The following RBMS3 variants were observed in gnomAD, a reference collection of about 807,000 sequenced individuals.
RBMS3 encodes the protein RNA-binding motif, single-stranded-interacting protein 3.
In RBMS3, 27 loss-of-function variants were observed where a neutral mutation model predicts 66.8. That is an observed-to-expected ratio of 0.40 (90% CI 0.30 to 0.56). The LOEUF (loss-of-function observed/expected upper bound fraction) is 0.56, where lower values mean the gene tolerates loss of function less well. RBMS3 is among the 20% of genes least tolerant of loss of function. The probability of loss-of-function intolerance (pLI) is 0.40; values close to 1 mark genes in which losing one functional copy is unlikely to be tolerated. For missense variants in RBMS3, 513 were observed against 549.5 expected (o/e 0.93, Z 0.66); for synonymous variants, 188 against 183.0 (o/e 1.03, Z -0.22).
intron 2 of RBMS3, among the ~76,000 whole-genome samples, chr3:29,459,735 A>G (rs2042309974): frequency 6.6e-6 from 1 of 152,202 alleles, no homozygotes. Context: ...AAAATGCATG[A>G]TTTCGAACTT....
At chr3:29,631,375 T>C (rs2149176335) in intron 4 of RBMS3, among the ~76,000 whole-genome samples, 1 of 152,012 alleles carries the variant, frequency 6.6e-6, no homozygotes, top group African/African-American at 2.4e-5. Flanking sequence ...GCTTTTCTGT[T>C]ATCTTGAGGG....
At chr3:29,532,181 A>G (rs908003256) in intron 3 of RBMS3, among the ~76,000 whole-genome samples, 1 of 149,998 alleles carries the variant, frequency 6.7e-6, no homozygotes, top group African/African-American at 2.5e-5. Context: ...AAAATTAGAC[A>G]GAAAGATCAT....
At chr3:29,361,479 C>A (rs12631178) in intron 1 of RBMS3, among the ~76,000 whole-genome samples, 33,426 of 152,072 alleles carry the variant, frequency 0.22, 4,619 homozygotes, top group Non-Finnish European at 0.3. Context: ...CTGCCCTTAA[C>A]ATTTTTTCCT....
chr3:29,782,255 G>A (rs1344543476), intron 6 of RBMS3, among the ~76,000 whole-genome samples: 1 of 152,072 alleles, frequency 6.6e-6, no homozygotes, highest in Non-Finnish European at 1.5e-5. Context: ...AAAAACACAA[G>A]CAAGGACCCT....
intron 4 of RBMS3, among the ~76,000 whole-genome samples, chr3:29,686,418 T>C (rs892192844): frequency 6.6e-6 from 1 of 152,200 alleles, no homozygotes; most frequent in Non-Finnish European, 1.5e-5. Flanking sequence ...GCATGGTGGC[T>C]CATGCCTGTA....
intron 3 of RBMS3, among the ~76,000 whole-genome samples, chr3:29,585,099 C>G (rs1395625077): frequency 6.6e-6 from 1 of 152,124 alleles, no homozygotes; most frequent in African/African-American, 2.4e-5. Context: ...CTGAGGTTTT[C>G]TCCCACCACT....
chr3:29,771,157 AC>A, intron 6 of RBMS3, among the ~76,000 whole-genome samples: 1 of 151,632 alleles, frequency 6.6e-6, no homozygotes, highest in Non-Finnish European at 1.5e-5. Flanking sequence ...CTTATTTCTT[AC>A]GTCTTTCAGC....
chr3:29,745,343 G>A (rs1252589448), intron 5 of RBMS3, among the ~76,000 whole-genome samples: 3 of 151,892 alleles, frequency 2.0e-5, no homozygotes, highest in East Asian at 1.9e-4. Context: ...TCTAAAAACC[G>A]AAGTTTATGG....
At chr3:29,924,603 C>CA (rs1240178874) in intron 10 of RBMS3, 1 of 35,360 alleles carries the variant, frequency 2.8e-5, no homozygotes, top group Admixed American at 2.5e-4. Flanking sequence ...TTTGGGAGGC[C>CA]AGGGGGCGGA....
intron 1 of RBMS3, among the ~76,000 whole-genome samples, chr3:29,431,354 G>A (rs1418099423): frequency 2.9e-5 from 4 of 138,470 alleles, no homozygotes; most frequent in Admixed American, 8.0e-5. Context: ...GTACAGTGGC[G>A]CAATCTCGGC....
At chr3:29,688,564 A>ATTTTTTTTTTTTTT (rs55943638) in intron 4 of RBMS3, among the ~76,000 whole-genome samples, 2 of 67,130 alleles carry the variant, frequency 3.0e-5, no homozygotes, top group African/African-American at 7.7e-5. Context: ...AAGTTACAGG[A>ATTTTTTTTTTTTTT]TTTTTTTTTT....
intron 1 of RBMS3, among the ~76,000 whole-genome samples, chr3:29,397,313 T>A (rs570067925): frequency 3.9e-5 from 6 of 152,210 alleles, no homozygotes; most frequent in Non-Finnish European, 8.8e-5. Context: ...TTTAGGAACA[T>A]GTTTCCTGTA....
intron 6 of RBMS3, among the ~76,000 whole-genome samples, chr3:29,806,089 T>A (rs1408672412): frequency 6.6e-6 from 1 of 152,042 alleles, no homozygotes; most frequent in African/African-American, 2.4e-5. Context: ...GCTTGTTCTT[T>A]TTCATTCCAG....
intron 6 of RBMS3, among the ~76,000 whole-genome samples, chr3:29,806,822 A>G (rs1365866973): frequency 1.3e-5 from 2 of 151,910 alleles, no homozygotes; most frequent in Non-Finnish European, 2.9e-5. Flanking sequence ...TGAGTCTGGA[A>G]TGTTGATCAA....
At chr3:29,567,958 G>A (rs560289758) in intron 3 of RBMS3, among the ~76,000 whole-genome samples, 79 of 152,308 alleles carry the variant, frequency 5.2e-4, no homozygotes, top group African/African-American at 1.9e-3. Context: ...TTGTGAAAAT[G>A]ATGGGGGAAT....
At chr3:29,524,826 G>A (rs1384219755) in intron 3 of RBMS3, among the ~76,000 whole-genome samples, 1 of 152,062 alleles carries the variant, frequency 6.6e-6, no homozygotes, top group Non-Finnish European at 1.5e-5. Context: ...GCTGAGGTGG[G>A]TGGGTTGCTT....
chr3:29,687,195 G>A (rs1483274515), intron 4 of RBMS3, among the ~76,000 whole-genome samples: 1 of 152,148 alleles, frequency 6.6e-6, no homozygotes, highest in Non-Finnish European at 1.5e-5. Flanking sequence ...CTGAGGACAT[G>A]GCTACAGATA....
chr3:29,984,615 G>C (rs1028162694), intron 12 of RBMS3, among the ~76,000 whole-genome samples: 1 of 152,152 alleles, frequency 6.6e-6, no homozygotes, highest in South Asian at 2.1e-4. Flanking sequence ...TGTCCTTTTT[G>C]TTGATGTTGA....
intron 1 of RBMS3, among the ~76,000 whole-genome samples, chr3:29,419,594 T>C (rs540562576): frequency 7.9e-4 from 121 of 152,318 alleles, no homozygotes; most frequent in African/African-American, 2.8e-3. Flanking sequence ...AAATATTTTC[T>C]CTACTTACAA....
Sources: gnomAD v4.1 joint callset for allele counts (sites outside exome capture counted in the v4.1 genomes callset) on GRCh38, gnomAD v4.1.1 for gene constraint, MANE v1.5 for transcripts, NCBI Gene and HGNC (gene_info 2026-07-23, HGNC 2026-07-21) for gene names.